Variants in PCDHA3 observed in about 807,000 individuals in gnomAD.
PCDHA3 encodes protocadherin alpha 3.
Under a neutral mutation model 62.2 loss-of-function variants are expected in PCDHA3, and 41 were observed. The observed-to-expected ratio is 0.66, with a 90% confidence interval of 0.51 to 0.86. The LOEUF (loss-of-function observed/expected upper bound fraction) is 0.86, where lower values mean the gene tolerates loss of function less well. Among genes scored for constraint, PCDHA3 ranks in the 40% least tolerant of loss-of-function variants. PCDHA3 has a pLI of 0.00. For missense variants in PCDHA3, 1,304 were observed against 1,241.2 expected (o/e 1.05, Z -0.76); for synonymous variants, 640 against 555.4 (o/e 1.15, Z -2.14).
chr5:140,960,788 G>A (rs1268913888), intron 1 of PCDHA3, among the ~76,000 whole-genome samples: 1 of 152,086 alleles, frequency 6.6e-6, no homozygotes, highest in Non-Finnish European at 1.5e-5. Context: ...GCCAAACAAG[G>A]TTTCTATTAA....
At chr5:140,937,023 A>G (rs2091268625) in intron 1 of PCDHA3, among the ~76,000 whole-genome samples, 1 of 150,410 alleles carries the variant, frequency 6.6e-6, no homozygotes. Flanking sequence ...TTAACAAGGT[A>G]TATTCTTCCA....
intron 3 of PCDHA3, among the ~76,000 whole-genome samples, chr5:141,002,090 A>AGG (rs782223041): frequency 1.3e-5 from 2 of 152,254 alleles, no homozygotes; most frequent in Non-Finnish European, 2.9e-5. Flanking sequence ...CGAGCAGTCC[A>AGG]GGGGCTGGGC....
At position 140,842,583 on chromosome 5, in the gene PCDHA3, A is replaced by G. The variant is rs2150339895; in HGVS notation, c.2394+38992A>G. ...CTGGACCGCGAGAGAGTGTCGGCCT[A>G]TGAGTTGGTGGTAACCGCGCGGGAC... On this transcript the variant is annotated intron_variant, in intron 1 of 3. Transcript: ENST00000522353. The G allele has an allele frequency of 3.9e-5, 59 of 1,520,170 alleles. 7 individuals are homozygous for G. The highest frequency in any genetic ancestry group is 5.2e-5 in the Non-Finnish European group (58 of 1,118,060). The allele number at this position is 1,520,170 out of a possible 1,614,324, so 94.2% of individuals were successfully genotyped here.
intron 1 of PCDHA3, chr5:140,850,480 C>A: frequency 6.3e-7 from 1 of 1,597,900 alleles, no homozygotes; most frequent in African/African-American, 1.3e-5. Context: ...CTGACGGCCA[C>A]GGCCACTGTG....
Position 140,842,578 on chromosome 5 carries a change from G to C in PCDHA3, c.2394+38987G>C, listed in dbSNP as rs2150339831. On this transcript the variant is annotated intron_variant, in intron 1 of 3. Transcript: ENST00000522353. ...GCGCCCTGGACCGCGAGAGAGTGTC[G>C]GCCTATGAGTTGGTGGTAACCGCGC... 18 of 1,515,278 alleles carry C rather than the reference G, an allele frequency of 1.2e-5. 1 individual carries two copies. The highest frequency in any genetic ancestry group is 1.5e-5 in the Non-Finnish European group (17 of 1,114,964). 93.9% of individuals were successfully genotyped at this position (1,515,278 alleles called of 1,614,324 possible). A position where few individuals can be genotyped will look rare whatever the true frequency, so the allele number is the denominator to read the frequency against.
At chr5:140,907,181 A>T (rs1216886799) in intron 1 of PCDHA3, among the ~76,000 whole-genome samples, 3 of 152,220 alleles carry the variant, frequency 2.0e-5, no homozygotes, top group African/African-American at 7.2e-5. Context: ...GATTCAGAGC[A>T]TACACAACCT....
At chr5:140,810,533 T>C (rs1306597140) in intron 1 of PCDHA3, 1 of 152,270 alleles carries the variant, frequency 6.6e-6, no homozygotes, top group East Asian at 1.9e-4. Flanking sequence ...TGGGTGACTT[T>C]TGTAATCTCA....
At chr5:140,876,437 C>T (rs1554168557) in intron 1 of PCDHA3, 1 of 1,613,906 alleles carries the variant, frequency 6.2e-7, no homozygotes, top group Non-Finnish European at 8.5e-7. Context: ...CAGGTTAACG[C>T]CATTGATAAA....
At chr5:140,930,306 CAT>C (rs1554207728) in intron 1 of PCDHA3, 1 of 152,052 alleles carries the variant, frequency 6.6e-6, no homozygotes, top group East Asian at 1.9e-4. Context: ...AAGTAAATAT[CAT>C]ATTTGAGAGT....
rs2150415705 is a variant in PCDHA3 at position 140,848,636 on chromosome 5, C to G, written c.2394+45045C>G. 17 of 1,593,284 alleles carry G rather than the reference C, an allele frequency of 1.1e-5. 2 individuals carry two copies. The highest frequency in any genetic ancestry group is 6.7e-5 in the African/African-American group (5 of 74,384). On this transcript the variant is annotated intron_variant, in intron 1 of 3. Transcript: ENST00000522353. Reference sequence around the variant, plus strand: ...CCGAACACGGCACCTTCGTGGGCCGCATCGCGCAGGACCTGGGGCTGGAGC... The same window carrying G: ...CCGAACACGGCACCTTCGTGGGCCGGATCGCGCAGGACCTGGGGCTGGAGC...
At chr5:140,943,257 CAA>C (rs1238620023) in intron 1 of PCDHA3, among the ~76,000 whole-genome samples, 5 of 77,564 alleles carry the variant, frequency 6.4e-5, no homozygotes, top group Non-Finnish European at 2.5e-5. Flanking sequence ...GACTCTGTCT[CAA>C]AAAAAAAAAA....
intron 1 of PCDHA3, among the ~76,000 whole-genome samples, chr5:140,911,275 G>C (rs1048648150): frequency 2.0e-5 from 3 of 152,164 alleles, no homozygotes; most frequent in African/African-American, 7.2e-5. Context: ...AGTGTCCCCA[G>C]CTTCATCAGG....
chr5:140,869,697 G>T (rs552852780), intron 1 of PCDHA3: 1 of 1,613,410 alleles, frequency 6.2e-7, no homozygotes, highest in Admixed American at 1.7e-5. Flanking sequence ...TTTTAAAGAA[G>T]TCTCTGGATA....
Position 140,870,110 on chromosome 5 carries a change from G to A in PCDHA3, c.2394+66519G>A, listed in dbSNP as rs570133503. 6 of 1,613,896 alleles carry A rather than the reference G, an allele frequency of 3.7e-6. No individual in the cohort carries two copies. In the South Asian group the frequency reaches 6.6e-5, roughly 18 times the overall value. On this transcript the variant is annotated intron_variant, in intron 1 of 3. Coordinates refer to ENST00000522353, the MANE Select transcript of PCDHA3 (RefSeq NM_018906.3). ...CCAATGGCAGGTCACTGTACAGTCT[G>A]GGTGGAAATCTTGGACACCAACGAT... is the stretch of plus-strand genomic sequence containing the variant.
At chr5:140,979,129 A>T (rs1316213932) in intron 2 of PCDHA3, 122 bp downstream of exon 2, 1 of 1,477,514 alleles carries the variant, frequency 6.8e-7, no homozygotes, top group Non-Finnish European at 9.0e-7. Flanking sequence ...CTTTGCCAGG[A>T]AAATGCAATT....
chr5:140,936,270 T>G (rs1367001317), intron 1 of PCDHA3, among the ~76,000 whole-genome samples: 2 of 152,226 alleles, frequency 1.3e-5, no homozygotes, highest in Non-Finnish European at 2.9e-5. Context: ...GAAGATATAT[T>G]CCTGTGTTTT....
chr5:140,907,517 G>A (rs1174112923), intron 1 of PCDHA3, among the ~76,000 whole-genome samples: 3 of 152,192 alleles, frequency 2.0e-5, no homozygotes, highest in Non-Finnish European at 4.4e-5. Flanking sequence ...TTCCAGTGAG[G>A]ACAAATCGCT....
Position 140,850,666 on chromosome 5 carries a change from C to A in PCDHA3, c.2394+47075C>A, listed in dbSNP as rs2150492830. 6.9e-6 allele frequency: 11 copies of A among 1,598,434 alleles called. 3 individuals carry two copies. Among genetic ancestry groups the A allele is most frequent in the Middle Eastern group, 1.7e-4 (1 of 5,998 alleles). ...CTGCTGTACACTGTGCTGCGGTGCT[C>A]GGCGATGCCCACCGAGGGCGAGTGC... On this transcript the variant is annotated intron_variant, in intron 1 of 3. Transcript: ENST00000522353.
At position 140,969,365 on chromosome 5, in the gene PCDHA3, C is replaced by T. The variant is rs190730712; in HGVS notation, c.2395-9584C>T. The T allele has an allele frequency of 5.3e-5, 86 of 1,610,040 alleles. No homozygotes were observed. The African/African-American group carries it at 9.2e-4, about 17-fold the overall frequency. On this transcript the variant is annotated intron_variant, in intron 1 of 3. Transcript: ENST00000522353. ...GTGGTCAGGGGGTCTTCTACAAACT[C>T]ATGCATTTGTTACACATCCCCCAAT...
Sources: allele counts gnomAD v4.1 joint callset (sites outside exome capture counted in the v4.1 genomes callset), GRCh38; gene constraint gnomAD v4.1.1; transcripts MANE v1.5; gene names NCBI Gene and HGNC (gene_info 2026-07-23, HGNC 2026-07-21).